The following OPHN1 variants were observed in gnomAD, a reference collection of about 807,000 sequenced individuals.
The protein encoded by OPHN1 is oligophrenin 1, also known as oligophrenin-1.
A neutral mutation model predicts 60.7 loss-of-function variants in OPHN1; 11 were observed. That is an observed-to-expected ratio of 0.18 (90% confidence interval 0.11 to 0.30). The LOEUF is 0.30. OPHN1 is among the 10% of genes least tolerant of loss of function. The pLI, the probability that OPHN1 is intolerant of heterozygous loss-of-function variation, is 1.00. For synonymous variants in OPHN1, 226 were observed against 222.6 expected, an observed-to-expected ratio of 1.02 and a Z score of -0.14; for missense variants, 449 against 611.0, an observed-to-expected ratio of 0.73 and a Z score of 2.80.
At chrX:68,108,069 C>T (rs960558202) in intron 18 of OPHN1, among the ~76,000 whole-genome samples, 4 of 111,929 alleles carry the variant, frequency 3.6e-5, no homozygotes, top group Admixed American at 9.5e-5. Context: ...CTCTACCCAC[C>T]TCCAGGAGTT....
At chrX:68,393,584 A>G (rs2078664635) in intron 2 of OPHN1, among the ~76,000 whole-genome samples, 1 of 111,596 alleles carries the variant, frequency 9.0e-6, no homozygotes, top group Non-Finnish European at 1.9e-5. Context: ...TCCATATACA[A>G]ATTGGAGTTT....
chrX:68,130,788 A>T (rs759812860), intron 15 of OPHN1, among the ~76,000 whole-genome samples: 83 of 112,140 alleles, frequency 7.4e-4, no homozygotes, highest in African/African-American at 2.6e-3. Flanking sequence ...TCAGCAAGAT[A>T]TCACTCATAT....
chrX:68,119,203 T>A (rs1453250728), intron 16 of OPHN1, 45 bp downstream of exon 16: 1 of 986,242 alleles, frequency 1.0e-6, no homozygotes, highest in Admixed American at 2.2e-5. Flanking sequence ...CCAGAGAAAT[T>A]TCACCAGCTA....
chrX:68,274,063 C>G (rs1019974046), intron 5 of OPHN1, among the ~76,000 whole-genome samples: 1 of 111,575 alleles, frequency 9.0e-6, no homozygotes, highest in African/African-American at 3.3e-5. Context: ...AGAACAGCAT[C>G]GAGGGGATAG....
chrX:68,071,500 C>G, intron 20 of OPHN1: 1 of 740,386 alleles, frequency 1.4e-6, no homozygotes, highest in Non-Finnish European at 2.1e-6. Flanking sequence ...AACATCCTTG[C>G]CCAGCAGAGA....
intron 2 of OPHN1, among the ~76,000 whole-genome samples, chrX:68,393,597 T>C (rs1743784883): frequency 8.9e-6 from 1 of 112,211 alleles, no homozygotes; most frequent in South Asian, 3.7e-4. Flanking sequence ...TGGAGTTTCA[T>C]GCGTCAAACA....
chrX:68,433,400 A>G lies in OPHN1; in HGVS notation c.-237T>C. Reference sequence around the variant, plus strand: ...CTTCCTGAGCAATTGCAAACGTGACACTTGGGCCCGCCCAAGGTGTAGGCG... The same window carrying G: ...CTTCCTGAGCAATTGCAAACGTGACGCTTGGGCCCGCCCAAGGTGTAGGCG... On this transcript the variant is annotated 5_prime_UTR_variant, in exon 1 of 25. Coordinates refer to ENST00000355520, the MANE Select transcript of OPHN1 (RefSeq NM_002547.3). The G allele has an allele frequency of 3.6e-6, 1 of 277,076 alleles. No individual in the cohort carries two copies. Among genetic ancestry groups the G allele is most frequent in the Middle Eastern group, 1.0e-3 (1 of 989 alleles). The allele number at this position is 277,076 out of a possible 1,213,427, so 22.8% of individuals were successfully genotyped here.
At position 68,044,193 on chromosome X, in the gene OPHN1, T is replaced by C. The variant is rs1309023961; in HGVS notation, c.*2979A>G. 5 of 112,442 alleles carry C rather than the reference T, an allele frequency of 4.4e-5. No homozygotes were observed. Among genetic ancestry groups the C allele is most frequent in the African/African-American group, 1.6e-4 (5 of 30,912 alleles). The allele number at this position is 112,442 out of a possible 1,213,427, so 9.3% of individuals were successfully genotyped here. ...TTCAAATGTTTGCCTTTCAATATTT[T>C]GTTAGGCAGGCAAGAGTCAAGAGTC... is the stretch of plus-strand genomic sequence containing the variant. On this transcript the variant is annotated 3_prime_UTR_variant, in exon 25 of 25. Transcript: ENST00000355520.
intron 2 of OPHN1, among the ~76,000 whole-genome samples, chrX:68,346,366 A>G (rs2078379226): frequency 8.9e-6 from 1 of 112,051 alleles, no homozygotes; most frequent in African/African-American, 3.2e-5. Context: ...AGGCTGTATC[A>G]AATAACAATA....
At chrX:68,048,529 G>C in intron 23 of OPHN1, 72 bp from the exon 24 acceptor site, 4 of 964,662 alleles carry the variant, frequency 4.1e-6, no homozygotes, top group Non-Finnish European at 5.9e-6. Flanking sequence ...GGGGAATGGG[G>C]GACACTTCTA....
chrX:68,091,324 T>C (rs2077017248), intron 19 of OPHN1, among the ~76,000 whole-genome samples: 1 of 111,062 alleles, frequency 9.0e-6, no homozygotes, highest in African/African-American at 3.3e-5. Context: ...TCTTTGAGAG[T>C]GGTCTTGGGA....
chrX:68,332,324 C>T (rs2078299766), intron 2 of OPHN1, among the ~76,000 whole-genome samples: 1 of 111,003 alleles, frequency 9.0e-6, no homozygotes, highest in South Asian at 3.8e-4. Flanking sequence ...TGGTGAGAAA[C>T]CCAAAGAAAA....
At chrX:68,150,911 C>T (rs2077282994) in intron 15 of OPHN1, among the ~76,000 whole-genome samples, 1 of 111,853 alleles carries the variant, frequency 8.9e-6, no homozygotes, top group Non-Finnish European at 1.9e-5. Context: ...TTTATTAATT[C>T]ACATTGGCAG....
chrX:68,092,177 GA>G (rs1169978845), intron 19 of OPHN1, among the ~76,000 whole-genome samples: 14 of 110,919 alleles, frequency 1.3e-4, no homozygotes, highest in Admixed American at 4.8e-4. Context: ...AGTGTAAATG[GA>G]AAAAACACAT....
At chrX:68,136,593 G>A (rs1215151042) in intron 15 of OPHN1, among the ~76,000 whole-genome samples, 7 of 111,287 alleles carry the variant, frequency 6.3e-5, no homozygotes, top group Admixed American at 9.6e-5. Context: ...GTGAGCCACC[G>A]CGCTTGGCCT....
At chrX:68,269,303 A>T (rs1010510921) in intron 5 of OPHN1, among the ~76,000 whole-genome samples, 6 of 111,596 alleles carry the variant, frequency 5.4e-5, no homozygotes, top group African/African-American at 2.0e-4. Flanking sequence ...CAAAAGAACA[A>T]AGCTGGAGGC....
chrX:68,113,400 G>A lies in OPHN1; in HGVS notation c.1362-161C>T, dbSNP rs113399608. Reference sequence around the variant, plus strand: ...GAAGCTTCGTCAGGGAATCCAAGTTGCTAGTAATTCAACAAAAGACCTGCA... The same window carrying A: ...GAAGCTTCGTCAGGGAATCCAAGTTACTAGTAATTCAACAAAAGACCTGCA... On this transcript the variant is annotated intron_variant, in intron 16 of 24. Coordinates refer to ENST00000355520, the MANE Select transcript of OPHN1 (RefSeq NM_002547.3). 0.029 allele frequency among the ~76,000 whole-genome samples: 3,247 copies of A among 111,549 alleles called. 114 individuals carry two copies. The highest frequency in any genetic ancestry group is 0.1 in the African/African-American group (3,082 of 30,621).
chrX:68,146,450 A>C (rs1212428813), intron 15 of OPHN1, among the ~76,000 whole-genome samples: 1 of 112,449 alleles, frequency 8.9e-6, no homozygotes, highest in Non-Finnish European at 1.9e-5. Flanking sequence ...AAAAAGAAAG[A>C]CCAAACAACA....
intron 3 of OPHN1, among the ~76,000 whole-genome samples, chrX:68,285,380 CTG>C (rs1341376782): frequency 9.0e-6 from 1 of 111,620 alleles, no homozygotes; most frequent in Non-Finnish European, 1.9e-5. Context: ...CTTCCAAACA[CTG>C]TTTTAGCAGC....
Sources: gnomAD v4.1 joint callset for allele counts (sites outside exome capture counted in the v4.1 genomes callset) on GRCh38, gnomAD v4.1.1 for gene constraint, MANE v1.5 for transcripts, NCBI Gene and HGNC (gene_info 2026-07-23, HGNC 2026-07-21) for gene names.